Variants in EHD1 observed in about 807,000 individuals in gnomAD.
The protein encoded by EHD1 is EH domain-containing protein 1.
EHD1 carries 19 observed loss-of-function variants against 39.0 expected under a neutral mutation model. The observed-to-expected ratio is 0.49, with a 90% CI of 0.34 to 0.72. EHD1 has a LOEUF of 0.72. EHD1 is among the 30% of genes least tolerant of loss of function. The pLI, the probability that EHD1 is intolerant of heterozygous loss-of-function variation, is 0.01. For synonymous variants in EHD1, 323 were observed against 331.2 expected (o/e 0.98, Z 0.27); for missense variants, 542 against 751.5 (o/e 0.72, Z 3.26).
At position 64,854,539 on chromosome 11, in the gene EHD1, C is replaced by T. The variant is rs773992056; in HGVS notation, c.1399G>A (p.Ala467Thr). 7.3e-5 allele frequency: 118 copies of T among 1,614,042 alleles called. No individual in the cohort carries two copies. The highest frequency in any genetic ancestry group is 9.7e-5 in the Non-Finnish European group (115 of 1,180,014). The change falls in exon 5 of 5, where the codon GCC (alanine) becomes ACC (threonine). Residue 467 changes from alanine to threonine, a missense_variant. Coordinates refer to ENST00000320631, the MANE Select transcript of EHD1 (RefSeq NM_006795.4). ...TTGGACTTCACCATCTCCTTCTTGG[C>T]GTTGGCGCCCGTGATCTTGCCGTTG... is the stretch of plus-strand genomic sequence containing the variant. Reference protein sequence around the residue: ...PVNGKITGANAKKEMVKSKLP... With the variant: ...PVNGKITGANTKKEMVKSKLP...
chr11:64,854,963 C>G (rs993607409), intron 4 of EHD1, 106 bp from the exon 5 acceptor site: 10 of 1,433,456 alleles, frequency 7.0e-6, no homozygotes, highest in African/African-American at 1.4e-5. Context: ...GCTGCTCCCC[C>G]ACACTAGCAG....
At chr11:64,855,700 G>A (rs1045816943) in intron 3 of EHD1, 1 of 620,462 alleles carries the variant, frequency 1.6e-6, no homozygotes, top group Non-Finnish European at 2.8e-6. Flanking sequence ...CACTGCCACA[G>A]GACAGAGGAC....
chr11:64,870,059 G>A (rs1002844288), intron 2 of EHD1, among the ~76,000 whole-genome samples: 3 of 152,220 alleles, frequency 2.0e-5, no homozygotes, highest in African/African-American at 7.2e-5. Flanking sequence ...GAGACCCCAA[G>A]GGATCATTTA....
intron 2 of EHD1, among the ~76,000 whole-genome samples, chr11:64,864,886 C>T (rs940361495): frequency 6.6e-6 from 1 of 152,080 alleles, no homozygotes; most frequent in African/African-American, 2.4e-5. Context: ...GGCCCCACTC[C>T]CCCCTCCCCC....
rs1214239328 is a variant in EHD1 at position 64,854,740 on chromosome 11, C to T, written c.1198G>A (p.Glu400Lys). The T allele has an allele frequency of 1.2e-6, 2 of 1,612,088 alleles. No individual in the cohort carries two copies. Among genetic ancestry groups the T allele is most frequent in the Admixed American group, 1.7e-5 (1 of 60,020 alleles). The change falls in exon 5 of 5, where the codon GAG becomes AAG. Residue 400 changes from glutamate (E) to lysine (K), a missense_variant. Glu to Lys is a moderately conservative substitution (Grantham distance 56). Coordinates refer to ENST00000320631, the MANE Select transcript of EHD1 (RefSeq NM_006795.4). ...ACCTGGGAAGGCATCAGGGACTCCTCCTGCCGCACCATCACCATCAGCCGC... is the reference window on the plus strand; with the variant it reads ...ACCTGGGAAGGCATCAGGGACTCCTTCTGCCGCACCATCACCATCAGCCGC... ...IARLMVMVRQ[E>K]ESLMPSQVVK... is the part of the protein sequence containing the mutation.
In EHD1 at chr11:64,855,479, G is replaced by A; in HGVS notation, c.923C>T (p.Ala308Val). ...IKRARLAKVH[A>V]YIISSLKKEM... ...TTTCTTGAGGGAGCTGATGATGTAG[G>A]CGTGAACCTGTGAGGACGGGGTGAG... is the stretch of plus-strand genomic sequence containing the variant. The change falls in exon 4 of 5, where the codon GCC becomes GTC. Residue 308 changes from alanine to valine, a missense_variant. Ala to Val is a moderately conservative substitution (Grantham distance 64). Transcript: ENST00000320631. 1.2e-6 allele frequency: 2 copies of A among 1,613,844 alleles called. No individual in the cohort carries two copies. The highest frequency in any genetic ancestry group is 1.7e-6 in the Non-Finnish European group (2 of 1,180,006).
intron 2 of EHD1, among the ~76,000 whole-genome samples, chr11:64,866,541 T>C (rs928835466): frequency 1.3e-5 from 2 of 151,956 alleles, no homozygotes; most frequent in African/African-American, 4.8e-5. Flanking sequence ...AATTTGGGTG[T>C]GGTGGCATGC....
intron 2 of EHD1, among the ~76,000 whole-genome samples, chr11:64,860,844 G>A (rs1284956747): frequency 1.3e-5 from 2 of 151,794 alleles, no homozygotes; most frequent in Non-Finnish European, 2.9e-5. Context: ...ACATAGTGAA[G>A]CCCTGTCTCT....
At chr11:64,878,671 C>A, upstream of EHD1, 1 of 1,328,560 alleles carries the variant, frequency 7.5e-7, no homozygotes, top group Non-Finnish European at 9.6e-7. Context: ...CCCTCAGTGG[C>A]GGCTAGCGCC....
At chr11:64,866,031 C>A (rs1943763437) in intron 2 of EHD1, among the ~76,000 whole-genome samples, 1 of 152,196 alleles carries the variant, frequency 6.6e-6, no homozygotes, top group African/African-American at 2.4e-5. Flanking sequence ...GAAGAGAAAT[C>A]ATTCTGCCAT....
In EHD1 at chr11:64,868,206, C is replaced by T. The variant is rs536872113; in HGVS notation, c.502+6215G>A. The stretch of plus-strand genomic sequence containing the variant: ...CTTTTGTTTCCTGTCATTCAAGCTG[C>T]GTGGGCTTCAGTATTTCTCGCCCTA... On this transcript the variant is annotated intron_variant, in intron 2 of 4. Coordinates refer to ENST00000320631, the MANE Select transcript of EHD1 (RefSeq NM_006795.4). The surrounding 1 kb of genome is among the most constrained non-coding windows in gnomAD (Gnocchi z 4.2). Among the ~76,000 whole-genome samples the T allele has an allele frequency of 1.7e-4, 26 of 152,330 alleles. No homozygotes were observed. The East Asian group carries it at 4.8e-3, about 28-fold the overall frequency.
Position 64,855,685 on chromosome 11 carries a change from C to A in EHD1, c.916-199G>T. ...AGACACAATCTGGCAAGAGCCACAG[C>A]TGTCCACTGCCACAGGACAGAGGAC... On this transcript the variant is annotated intron_variant, in intron 3 of 4. Coordinates refer to ENST00000320631, the MANE Select transcript of EHD1 (RefSeq NM_006795.4). 4.4e-6 allele frequency: 3 copies of A among 680,290 alleles called. No homozygotes were observed. The South Asian group carries it at 5.7e-5, about 13-fold the overall frequency. 42.1% of individuals were successfully genotyped at this position (680,290 alleles called of 1,614,324 possible).
In EHD1 at chr11:64,877,971, C is replaced by G. The variant is rs1943903103; in HGVS notation, c.404+90G>C. ...TCACTGGGGCCTCGGAGACAAAGGA[C>G]GGCGGGGCGACAGCCACGGGAGGGT... is the stretch of plus-strand genomic sequence containing the variant. On this transcript the variant is annotated intron_variant, in intron 1 of 4. Transcript: ENST00000320631. The G allele has an allele frequency of 5.2e-6, 7 of 1,340,056 alleles. No homozygotes were observed. The Admixed American group carries it at 2.1e-4, about 40-fold the overall frequency. The allele number at this position is 1,340,056 out of a possible 1,614,324, so 83.0% of individuals were successfully genotyped here.
chr11:64,864,292 G>C (rs1359612931), intron 2 of EHD1, among the ~76,000 whole-genome samples: 2 of 152,254 alleles, frequency 1.3e-5, no homozygotes, highest in African/African-American at 4.8e-5. Flanking sequence ...AGAGCTGCCA[G>C]GTTCCCTGTG....
intron 3 of EHD1, 126 bp downstream of exon 3, chr11:64,859,798 G>A (rs961944048): frequency 3.1e-5 from 41 of 1,303,484 alleles, no homozygotes; most frequent in South Asian, 6.1e-5. Context: ...GGGAAACAGC[G>A]CAGTGCAGGT....
chr11:64,858,998 T>TTAA (rs1179649532), intron 3 of EHD1, among the ~76,000 whole-genome samples: 5 of 152,232 alleles, frequency 3.3e-5, no homozygotes, highest in Non-Finnish European at 7.3e-5. Context: ...CCTCACGAGC[T>TTAA]GCTTCCTGTC....
rs1943607684 is a variant in EHD1 at position 64,853,603 on chromosome 11, T to C, written c.*730A>G. ...GTGGTTGGGAAGTTATTGGGAACTT[T>C]GGTCAAGTATGAAAGATATCACTTT... is the stretch of plus-strand genomic sequence containing the variant. On this transcript the variant is annotated 3_prime_UTR_variant, in exon 5 of 5. Transcript: ENST00000320631. 6.5e-6 allele frequency: 1 copy of C among 152,716 alleles called. No homozygotes were observed. Among genetic ancestry groups the C allele is most frequent in the South Asian group, 2.1e-4 (1 of 4,850 alleles). The allele number at this position is 152,716 out of a possible 1,614,324, so 9.5% of individuals were successfully genotyped here.
chr11:64,862,064 A>G (rs1261370879), intron 2 of EHD1, among the ~76,000 whole-genome samples: 2 of 152,044 alleles, frequency 1.3e-5, no homozygotes, highest in African/African-American at 4.8e-5. Flanking sequence ...GTGTGCCACC[A>G]TGTCTGGCTA....
At chr11:64,871,024 T>C (rs1034160981) in intron 2 of EHD1, among the ~76,000 whole-genome samples, 7 of 152,182 alleles carry the variant, frequency 4.6e-5, no homozygotes, top group Admixed American at 4.6e-4. Flanking sequence ...CAGCCCACCT[T>C]ATCTTTTCAG....
Sources: allele counts gnomAD v4.1 joint callset (sites outside exome capture counted in the v4.1 genomes callset), GRCh38; gene constraint gnomAD v4.1.1; non-coding constraint Gnocchi (gnomAD v3.1); transcripts MANE v1.5; gene names NCBI Gene and HGNC (gene_info 2026-07-23, HGNC 2026-07-21).